Variants in SOS2 observed in about 807,000 individuals in gnomAD.
SOS2 encodes the protein son of sevenless homolog 2.
In SOS2, 65 loss-of-function variants were observed where a neutral mutation model predicts 148.2. That is an observed-to-expected ratio of 0.44 (90% CI 0.36 to 0.54). The LOEUF (loss-of-function observed/expected upper bound fraction) is 0.54, where lower values mean the gene tolerates loss of function less well. SOS2 is among the 20% of genes least tolerant of loss of function. The pLI is 0.00. For synonymous variants in SOS2, 539 were observed against 537.1 expected, an observed-to-expected ratio of 1.00 and a Z score of -0.05; for missense variants, 1,341 against 1,590.2, an observed-to-expected ratio of 0.84 and a Z score of 2.67.
At chr14:50,207,267 C>T (rs1413999229) in intron 1 of SOS2, among the ~76,000 whole-genome samples, 2 of 152,132 alleles carry the variant, frequency 1.3e-5, no homozygotes, top group African/African-American at 4.8e-5. Context: ...AATCCCAGCA[C>T]TTTGGGAGGC....
At chr14:50,187,828 C>CA (rs1885967069) in intron 5 of SOS2, among the ~76,000 whole-genome samples, 1 of 152,174 alleles carries the variant, frequency 6.6e-6, no homozygotes, top group African/African-American at 2.4e-5. Context: ...TTCTGAGCTT[C>CA]AAACTAAAAC....
chr14:50,209,321 G>GTGTGTC lies in SOS2; in HGVS notation c.88-4913_88-4912insGACACA, dbSNP rs1179515891. Among the ~76,000 whole-genome samples the GTGTGTC allele has an allele frequency of 6.3e-4, 90 of 141,856 alleles. 1 individual carries two copies. The highest frequency in any genetic ancestry group is 1.8e-3 in the Admixed American group (25 of 13,738). The allele number at this position is 141,856 out of a possible 152,430, so 93.1% of individuals were successfully genotyped here. A position where few individuals can be genotyped will look rare whatever the true frequency, so the allele number is the denominator to read the frequency against. On this transcript the variant is annotated intron_variant, in intron 1 of 22. Coordinates refer to ENST00000216373, the MANE Select transcript of SOS2 (RefSeq NM_006939.4). ...TGTGTGTGTGTGTGTGTGTGTGTGT[G>GTGTGTC]TCTCCTATTGGTTCTGCTTCTCTGA...
intron 1 of SOS2, among the ~76,000 whole-genome samples, chr14:50,225,899 ATTC>A (rs1032643988): frequency 3.3e-5 from 5 of 152,166 alleles, no homozygotes; most frequent in African/African-American, 7.2e-5. Flanking sequence ...TCATCCACTT[ATTC>A]TTCTTGTTTT....
intron 7 of SOS2, among the ~76,000 whole-genome samples, chr14:50,177,601 T>C (rs1247570088): frequency 6.6e-6 from 1 of 152,198 alleles, no homozygotes; most frequent in Admixed American, 6.6e-5. Flanking sequence ...GTGCTTTTAA[T>C]GAGTATCCAA....
At chr14:50,178,670 G>GTGTATATATA (rs1566839555) in intron 7 of SOS2, among the ~76,000 whole-genome samples, 10 of 67,958 alleles carry the variant, frequency 1.5e-4, no homozygotes, top group African/African-American at 2.0e-4. Context: ...GTGTGTGTGT[G>GTGTATATATA]CATATATATA....
intron 16 of SOS2, among the ~76,000 whole-genome samples, chr14:50,141,440 G>C (rs1884280972): frequency 6.6e-6 from 1 of 151,700 alleles, no homozygotes; most frequent in Non-Finnish European, 1.5e-5. Context: ...AAGACTGTTT[G>C]AGCCTGGGAA....
At chr14:50,199,509 C>T (rs563853940) in intron 4 of SOS2, among the ~76,000 whole-genome samples, 182 bp downstream of exon 4, 1 of 152,136 alleles carries the variant, frequency 6.6e-6, no homozygotes, top group South Asian at 2.1e-4. Context: ...AAAGAGATCC[C>T]CATCCTGCCA....
chr14:50,149,899 G>A (rs2139594353), intron 14 of SOS2, 109 bp downstream of exon 14: 1 of 772,134 alleles, frequency 1.3e-6, no homozygotes, highest in Non-Finnish European at 2.2e-6. Context: ...GCCCATGAGA[G>A]TAGATGAGGT....
chr14:50,177,299 A>T (rs1270160340), intron 7 of SOS2, among the ~76,000 whole-genome samples: 1 of 152,178 alleles, frequency 6.6e-6, no homozygotes, highest in African/African-American at 2.4e-5. Context: ...CAGCCTGGGC[A>T]ACAGAGTGAG....
intron 1 of SOS2, among the ~76,000 whole-genome samples, chr14:50,220,774 A>G (rs1208138151): frequency 6.6e-6 from 1 of 152,222 alleles, no homozygotes; most frequent in Non-Finnish European, 1.5e-5. Context: ...ATTAGGTGAG[A>G]GCTTACCATA....
Position 50,201,536 on chromosome 14 carries a change from A to G in SOS2, c.214-452T>C, listed in dbSNP as rs920346372. Reference sequence around the variant, plus strand: ...GTGAGAGGGAGACCCCCAACAGAAAAAAAAAAAAAAAAAAAGGTCAACAGG... The same window carrying G: ...GTGAGAGGGAGACCCCCAACAGAAAGAAAAAAAAAAAAAAAGGTCAACAGG... On this transcript the variant is annotated intron_variant, in intron 2 of 22. Coordinates refer to ENST00000216373, the MANE Select transcript of SOS2 (RefSeq NM_006939.4). 6.6e-5 allele frequency among the ~76,000 whole-genome samples: 10 copies of G among 151,448 alleles called. No individual in the cohort carries two copies. The South Asian group carries it at 1.3e-3, about 19-fold the overall frequency.
At chr14:50,228,556 T>A (rs1216437516) in intron 1 of SOS2, among the ~76,000 whole-genome samples, 1 of 152,204 alleles carries the variant, frequency 6.6e-6, no homozygotes, top group East Asian at 1.9e-4. Context: ...AATTGATACA[T>A]GTTCATTTAC....
At chr14:50,194,652 C>A (rs2139761009) in intron 4 of SOS2, among the ~76,000 whole-genome samples, 1 of 150,596 alleles carries the variant, frequency 6.6e-6, no homozygotes, top group Non-Finnish European at 1.5e-5. Flanking sequence ...GTGGCAGGCA[C>A]CTGTTATCCC....
At chr14:50,125,408 T>C (rs1032678799) in intron 21 of SOS2, among the ~76,000 whole-genome samples, 2 of 152,236 alleles carry the variant, frequency 1.3e-5, no homozygotes, top group Non-Finnish European at 2.9e-5. Context: ...ATTTTTGCTC[T>C]TTTAAGCTAC....
chr14:50,231,092 G>A, intron 1 of SOS2, 105 bp downstream of exon 1: 1 of 662,358 alleles, frequency 1.5e-6, no homozygotes, highest in Non-Finnish European at 2.1e-6. Context: ...ACGAGAAACG[G>A]CTCGGCCCCG....
chr14:50,195,096 T>A (rs1266468518), intron 4 of SOS2, among the ~76,000 whole-genome samples: 2 of 151,936 alleles, frequency 1.3e-5, no homozygotes, highest in African/African-American at 2.4e-5. Context: ...CTTACAACAA[T>A]AACAAAAAAT....
intron 4 of SOS2, among the ~76,000 whole-genome samples, chr14:50,191,671 A>G (rs1289537169): frequency 6.6e-6 from 1 of 152,192 alleles, no homozygotes; most frequent in East Asian, 1.9e-4. Flanking sequence ...GGCAAGTAAC[A>G]TTATAATATA....
In SOS2 at chr14:50,164,472, CA is replaced by C. The variant is rs939932046; in HGVS notation, c.1069-2864del. Among the ~76,000 whole-genome samples the C allele has an allele frequency of 1.0e-4, 15 of 149,644 alleles. 1 individual carries two copies. The highest frequency in any genetic ancestry group is 1.9e-4 in the Non-Finnish European group (13 of 67,204). The stretch of plus-strand genomic sequence containing the variant: ...AAAATGAAAATAAAAATAAAAAATA[CA>C]AAAAAAAATTAGCTGGACGTGGTGG... On this transcript the variant is annotated intron_variant, in intron 8 of 22. Transcript: ENST00000216373.
Position 50,180,631 on chromosome 14 carries a change from C to G in SOS2, c.910G>C (p.Glu304Gln), listed in dbSNP as rs1885704047. ...AATTTATTGAAATGTTCATGAAACT[C>G]TGGTGAAAGAATGTCCTGTGATAAT... The part of the protein sequence containing the change: ...ETLSQDILSP[E>Q]FHEHFNKLMA... The change falls in exon 7 of 23, where the codon GAG (glutamate) becomes CAG (glutamine). Residue 304 changes from glutamate (E) to glutamine (Q), a missense_variant. Glu to Gln is a conservative substitution (Grantham distance 29). This residue lies in a region of SOS2 where 574 missense variants were observed against 711.1 expected (regional missense o/e 0.81). Coordinates refer to ENST00000216373, the MANE Select transcript of SOS2 (RefSeq NM_006939.4). 1 of 1,604,052 alleles carries G rather than the reference C, an allele frequency of 6.2e-7. No individual in the cohort carries two copies. The highest frequency in any genetic ancestry group is 8.5e-7 in the Non-Finnish European group (1 of 1,176,258).
Sources: allele counts gnomAD v4.1 joint callset (sites outside exome capture counted in the v4.1 genomes callset), GRCh38; gene constraint gnomAD v4.1.1; regional missense constraint gnomAD v4.1.1; transcripts MANE v1.5; gene names NCBI Gene and HGNC (gene_info 2026-07-23, HGNC 2026-07-21).